AHDC1: variants seen among roughly 807,000 people sequenced by gnomAD.
AHDC1 encodes AT-hook DNA binding motif containing 1.
Under a neutral mutation model 87.9 loss-of-function variants are expected in AHDC1, and 7 were observed. That is an observed-to-expected ratio of 0.08 (90% CI 0.05 to 0.15). The LOEUF (loss-of-function observed/expected upper bound fraction) is 0.15. Among genes scored for constraint, AHDC1 ranks in the 10% least tolerant of loss-of-function variants. The pLI is 1.00. For missense variants in AHDC1, 1,841 were observed against 2,253.2 expected (o/e 0.82, Z 3.70); for synonymous variants, 1,051 against 1,006.8 (o/e 1.04, Z -0.83).
intron 8 of AHDC1, among the ~76,000 whole-genome samples, chr1:27,545,063 C>A (rs925046466): frequency 1.3e-5 from 2 of 151,968 alleles, no homozygotes; most frequent in East Asian, 3.9e-4. Flanking sequence ...TGTTCTTCCC[C>A]CTCCCCGCCA....
intron 3 of AHDC1, among the ~76,000 whole-genome samples, chr1:27,574,722 G>T (rs1266623062): frequency 6.6e-6 from 1 of 152,176 alleles, no homozygotes; most frequent in Non-Finnish European, 1.5e-5. Flanking sequence ...AGTTTACAGA[G>T]CACCAAATGG....
chr1:27,599,065 G>A (rs1416787135), intron 3 of AHDC1, among the ~76,000 whole-genome samples: 1 of 152,204 alleles, frequency 6.6e-6, no homozygotes, highest in Admixed American at 6.5e-5. Context: ...AGACCCTGGG[G>A]TAGGATCATA....
intron 3 of AHDC1, among the ~76,000 whole-genome samples, chr1:27,601,371 G>T (rs2089524209): frequency 6.6e-6 from 1 of 152,246 alleles, no homozygotes; most frequent in South Asian, 2.1e-4. Context: ...GGTGATTCCT[G>T]GGGAGGGGGC....
At chr1:27,585,923 TC>T (rs1199869366) in intron 3 of AHDC1, among the ~76,000 whole-genome samples, 2 of 152,134 alleles carry the variant, frequency 1.3e-5, no homozygotes, top group African/African-American at 4.8e-5. Context: ...AAGGGGTTAA[TC>T]CCCCTGGAGG....
rs1571262328 is a variant in AHDC1, at chr1:27,558,854, C to T, written c.-599G>A. The T allele has an allele frequency of 5.0e-6, 2 of 398,638 alleles. No individual in the cohort carries two copies. The highest frequency in any genetic ancestry group is 8.8e-6 in the Non-Finnish European group (2 of 226,096). 24.7% of individuals were successfully genotyped at this position (398,638 alleles called of 1,614,324 possible). ...ACTGGGTGGGCTCTGGGGTCCAGGC[C>T]GATGGGTTGACAATCAGGCAAGCTC... is the stretch of plus-strand genomic sequence containing the variant. On this transcript the variant is annotated 5_prime_UTR_variant, in exon 4 of 9. Transcript: ENST00000673934. This position sits in a 1 kb window ranked among gnomAD's most constrained non-coding sequence, Gnocchi z 5.6.
Position 27,552,227 on chromosome 1 carries a change from A to C in AHDC1, c.-74-38T>G. Reference sequence around the variant, plus strand: ...AAGAGCAGGAGGTCCCTTACTGAACACCTACATCCTCATCAGCTTCCCATA... The same window carrying C: ...AAGAGCAGGAGGTCCCTTACTGAACCCCTACATCCTCATCAGCTTCCCATA... On this transcript the variant is annotated intron_variant, in intron 7 of 8. Coordinates refer to ENST00000673934, the MANE Select transcript of AHDC1 (RefSeq NM_001371928.1). The C allele has an allele frequency of 2.1e-6, 3 of 1,395,402 alleles. No homozygotes were observed. The South Asian group carries it at 5.3e-5, about 25-fold the overall frequency. 86.4% of individuals were successfully genotyped at this position (1,395,402 alleles called of 1,614,324 possible).
chr1:27,535,627 T>C (rs550793530), intron 8 of AHDC1, among the ~76,000 whole-genome samples: 1 of 152,038 alleles, frequency 6.6e-6, no homozygotes, highest in African/African-American at 2.4e-5. Context: ...CTTAGAGAGG[T>C]GAGGTGAGGA....
chr1:27,534,268 TTTTG>T lies in AHDC1; in HGVS notation c.*688_*691del, dbSNP rs2018541217. On this transcript the variant is annotated 3_prime_UTR_variant, in exon 9 of 9. Coordinates refer to ENST00000673934, the MANE Select transcript of AHDC1 (RefSeq NM_001371928.1). The stretch of plus-strand genomic sequence containing the variant: ...GGTTGGTTTTTTTTTTTTGTTTTTT[TTTTG>T]TTTTTTTTTTGCTTTTTTTCATTTC... 1 of 151,208 alleles carries T rather than the reference TTTTG, an allele frequency of 6.6e-6. No individual in the cohort carries two copies. The highest frequency in any genetic ancestry group is 6.6e-5 in the Admixed American group (1 of 15,198). 9.4% of individuals were successfully genotyped at this position (151,208 alleles called of 1,614,324 possible).
At chr1:27,594,743 T>C (rs1247447845) in intron 3 of AHDC1, among the ~76,000 whole-genome samples, 1 of 152,068 alleles carries the variant, frequency 6.6e-6, no homozygotes, top group Non-Finnish European at 1.5e-5. Context: ...GCTGAGGCTG[T>C]CTAGGGGAAC....
In AHDC1 at chr1:27,590,149, G is replaced by T. The variant is rs1308397714; in HGVS notation, c.-629+13248C>A. Among the ~76,000 whole-genome samples, 1 of 152,154 alleles carries T rather than the reference G, an allele frequency of 6.6e-6. No homozygotes were observed. Among genetic ancestry groups the T allele is most frequent in the Non-Finnish European group, 1.5e-5 (1 of 67,994 alleles). ...AGGGGAGGGATGAGCTGCAGGCCCC[G>T]GCCGGGATTTTCCATCTCTCAGCAA... On this transcript the variant is annotated intron_variant, in intron 3 of 8. Transcript: ENST00000673934. This position sits in a 1 kb window ranked among gnomAD's most constrained non-coding sequence, Gnocchi z 5.4.
At chr1:27,544,164 C>T (rs1044779466) in intron 8 of AHDC1, among the ~76,000 whole-genome samples, 14 of 151,990 alleles carry the variant, frequency 9.2e-5, no homozygotes, top group African/African-American at 3.1e-4. Context: ...TGGGATAGGG[C>T]GGGAGGCAGG....
chr1:27,546,922 C>G (rs965991204), intron 8 of AHDC1, among the ~76,000 whole-genome samples: 2 of 152,190 alleles, frequency 1.3e-5, no homozygotes, highest in Admixed American at 6.5e-5. Context: ...GGGAAATACT[C>G]ACTTCCTGCC....
In AHDC1 at chr1:27,551,794, G is replaced by C. The variant is rs1339889142; in HGVS notation, c.322C>G (p.Arg108Gly). The change falls in exon 8 of 9, where the codon CGA (arginine) becomes GGA (glycine). Residue 108 changes from arginine to glycine, a missense_variant. This residue lies in a region of AHDC1 where 142 missense variants were observed against 165.6 expected (regional missense o/e 0.86). Coordinates refer to ENST00000673934, the MANE Select transcript of AHDC1 (RefSeq NM_001371928.1). ...ACCCGCCCGTTGTCCCAGCAGCGTC[G>C]GGAGCTGCTGCCGTCTCCGACCGGT... ...PTPVGDGSSS[R>G]RCWDNGRVNL... The C allele has an allele frequency of 1.2e-6, 2 of 1,613,002 alleles. No individual in the cohort carries two copies. The highest frequency in any genetic ancestry group is 1.7e-6 in the Non-Finnish European group (2 of 1,179,902).
At position 27,551,941 on chromosome 1, in the gene AHDC1, C is replaced by A; in HGVS notation, c.175G>T (p.Glu59Ter). The A allele has an allele frequency of 6.7e-7, 1 of 1,497,242 alleles. No individual in the cohort carries two copies. The highest frequency in any genetic ancestry group is 8.9e-7 in the Non-Finnish European group (1 of 1,117,320). The allele number at this position is 1,497,242 out of a possible 1,614,324, so 92.7% of individuals were successfully genotyped here. Reference sequence around the variant, plus strand: ...CGGCGTGGGGGTGGGCGTGGGTTCTCGGAGAAGGCGTGGGTGGAGAAGGCC... The same window carrying A: ...CGGCGTGGGGGTGGGCGTGGGTTCTAGGAGAAGGCGTGGGTGGAGAAGGCC... ...DKAFSTHAFS[E>*]NPRPPPRRDP... Residue 59 changes from glutamate to a stop codon, truncating the protein, a stop_gained, in exon 8 of 9, where the codon GAG becomes TAG. Transcript: ENST00000673934. LOFTEE classifies it high-confidence loss of function.
In AHDC1 at chr1:27,547,269, A is replaced by G. The variant is rs1341440137; in HGVS notation, c.*35T>C. The G allele has an allele frequency of 1.3e-5, 19 of 1,512,810 alleles. No individual in the cohort carries two copies. Among genetic ancestry groups the G allele is most frequent in the Non-Finnish European group, 1.7e-5 (19 of 1,131,818 alleles). 93.7% of individuals were successfully genotyped at this position (1,512,810 alleles called of 1,614,324 possible). A position where few individuals can be genotyped will look rare whatever the true frequency, so the allele number is the denominator to read the frequency against. ...CACATCCCCAGACTCACCCAGGAAC[A>G]AAACCTCGCGGTCCAGTCGGCACTT... On this transcript the variant is annotated 3_prime_UTR_variant, in exon 8 of 9. Transcript: ENST00000673934. This position sits in a 1 kb window ranked among gnomAD's most constrained non-coding sequence, Gnocchi z 4.9.
Position 27,548,633 on chromosome 1 carries a change from C to A in AHDC1, c.3483G>T (p.Glu1161Asp). The change falls in exon 8 of 9, where the codon GAG (glutamate) becomes GAT (aspartate). Residue 1161 changes from glutamate to aspartate, a missense_variant. By Grantham distance (45) the Glu-to-Asp change is conservative. Transcript: ENST00000673934. ...TGTCGGAGGATGACTCAGAGAAGGT[C>A]TCCGACACAGCCGTCTGCTGCTTCA... ...QKVKQQTAVSETFSESSSDST... is the reference protein window; with the variant it reads ...QKVKQQTAVSDTFSESSSDST... 4 of 1,613,490 alleles carry A rather than the reference C, an allele frequency of 2.5e-6. No individual in the cohort carries two copies. Among genetic ancestry groups the A allele is most frequent in the Non-Finnish European group, 3.4e-6 (4 of 1,180,046 alleles).
intron 3 of AHDC1, among the ~76,000 whole-genome samples, chr1:27,597,335 T>TTGTG (rs58592828): frequency 1.3e-4 from 20 of 149,362 alleles, no homozygotes; most frequent in African/African-American, 2.0e-4. Context: ...TGTCACAAAT[T>TTGTG]TGTGTGTGTG....
At position 27,547,718 on chromosome 1, in the gene AHDC1, A is replaced by G. The variant is rs1330589443; in HGVS notation, c.4398T>C (p.Tyr1466=). The G allele has an allele frequency of 1.3e-6, 2 of 1,595,774 alleles. No individual in the cohort carries two copies. The highest frequency in any genetic ancestry group is 1.7e-5 in the Admixed American group (1 of 58,870). ...YDSPSCKGTA[Y]WYPPGSAARS... is the part of the protein sequence containing the mutation. ...GGGCAGCTGAGCCTGGAGGGTACCA[A>G]TAGGCTGTGCCCTTGCAGCTGGGGG... is the stretch of plus-strand genomic sequence containing the variant. The change falls in exon 8 of 9, where the codon TAT becomes TAC. Residue 1466 remains tyrosine, a synonymous_variant. Transcript: ENST00000673934. This position sits in a 1 kb window ranked among gnomAD's most constrained non-coding sequence, Gnocchi z 4.9.
intron 3 of AHDC1, among the ~76,000 whole-genome samples, chr1:27,588,784 G>A (rs140084293): frequency 2.0e-5 from 3 of 152,286 alleles, no homozygotes; most frequent in African/African-American, 7.2e-5. Flanking sequence ...TTTGTAGGGG[G>A]GCTGTGTACG....
Sources: allele counts gnomAD v4.1 joint callset (sites outside exome capture counted in the v4.1 genomes callset), GRCh38; gene constraint gnomAD v4.1.1; regional missense constraint gnomAD v4.1.1; non-coding constraint Gnocchi (gnomAD v3.1); transcripts MANE v1.5; gene names NCBI Gene and HGNC (gene_info 2026-07-23, HGNC 2026-07-21).